NBEA: variants seen among roughly 807,000 people sequenced by gnomAD.
NBEA encodes neurobeachin.
In NBEA, 44 loss-of-function variants were observed where a neutral mutation model predicts 343.4. The observed-to-expected ratio is 0.13, with a 90% CI of 0.10 to 0.16. NBEA has a LOEUF of 0.16. Among genes scored for constraint, NBEA ranks in the 10% least tolerant of loss-of-function variants. The pLI, the probability that NBEA is intolerant of heterozygous loss-of-function variation, is 1.00. For synonymous variants in NBEA, 1,175 were observed against 1,238.7 expected (o/e 0.95, Z 1.08); for missense variants, 2,555 against 3,631.3 (o/e 0.70, Z 7.62).
intron 41 of NBEA, among the ~76,000 whole-genome samples, chr13:35,539,808 C>T (rs931548728): frequency 8.1e-5 from 12 of 148,288 alleles, no homozygotes; most frequent in Admixed American, 4.1e-4. Context: ...CCCAGCTACT[C>T]CGGAGGCTGA....
At chr13:35,579,038 A>G (rs2080884746) in intron 45 of NBEA, among the ~76,000 whole-genome samples, 1 of 152,100 alleles carries the variant, frequency 6.6e-6, no homozygotes, top group African/African-American at 2.4e-5. Flanking sequence ...AGGTTTTGGA[A>G]TTTGGAGCAT....
intron 30 of NBEA, among the ~76,000 whole-genome samples, chr13:35,188,285 T>C (rs2071880141): frequency 6.6e-6 from 1 of 151,962 alleles, no homozygotes; most frequent in South Asian, 2.1e-4. Context: ...GTTTAAAGTT[T>C]ATTCTCAGCA....
chr13:35,465,685 C>T (rs1278464853), intron 40 of NBEA, among the ~76,000 whole-genome samples: 4 of 152,164 alleles, frequency 2.6e-5, no homozygotes, highest in Non-Finnish European at 4.4e-5. Flanking sequence ...AATTTTCACA[C>T]TGAACATTGA....
intron 10 of NBEA, among the ~76,000 whole-genome samples, chr13:35,077,951 A>T (rs998651610): frequency 3.3e-5 from 5 of 152,192 alleles, no homozygotes; most frequent in Non-Finnish European, 7.4e-5. Flanking sequence ...GCAACAGTGT[A>T]TAGTTGGGAA....
At chr13:35,120,770 C>T (rs1593411488) in intron 16 of NBEA, among the ~76,000 whole-genome samples, 1 of 141,460 alleles carries the variant, frequency 7.1e-6, no homozygotes, top group East Asian at 2.2e-4. Context: ...ACAGCTACCT[C>T]TCTTATATAG....
In NBEA at chr13:35,142,285, A is replaced by C. The variant is rs1442184851; in HGVS notation, c.2353A>C (p.Met785Leu). The C allele has an allele frequency of 1.2e-6, 2 of 1,611,402 alleles. No homozygotes were observed. Among genetic ancestry groups the C allele is most frequent in the South Asian group, 2.2e-5 (2 of 90,708 alleles). ...TCTCTCCAGGAGAAAAGTTGAAATT[A>C]TGCACACCCATAGTCTTTTCACTCT... ...HLGHKRKVEI[M>L]HTHSLFTLLG... Residue 785 changes from methionine (M) to leucine (L), a missense_variant, in exon 18 of 59, where the codon ATG becomes CTG. This residue lies in a region of NBEA where 360 missense variants were observed against 519.1 expected (regional missense o/e 0.69). Coordinates refer to ENST00000379939, the MANE Select transcript of NBEA (RefSeq NM_001385012.1).
At position 35,174,415 on chromosome 13, in the gene NBEA, A is replaced by C. The variant is rs73503802; in HGVS notation, c.4554+821A>C. ...ACATAGGTCTGTTATCACTCATTAC[A>C]CTTGTAATTACATGTTTAATATTGA... is the stretch of plus-strand genomic sequence containing the variant. On this transcript the variant is annotated intron_variant, in intron 27 of 58. Coordinates refer to ENST00000379939, the MANE Select transcript of NBEA (RefSeq NM_001385012.1). Among the ~76,000 whole-genome samples the C allele has an allele frequency of 6.4e-3, 977 of 152,182 alleles. 10 individuals carry two copies. Among genetic ancestry groups the C allele is most frequent in the African/African-American group, 0.023 (936 of 41,522 alleles).
intron 38 of NBEA, among the ~76,000 whole-genome samples, chr13:35,419,795 G>A (rs1390129658): frequency 6.6e-6 from 1 of 151,864 alleles, no homozygotes. Context: ...ATATCAGAAG[G>A]ACCAAAACCC....
intron 36 of NBEA, among the ~76,000 whole-genome samples, chr13:35,336,337 T>C (rs1045072827): frequency 2.0e-5 from 3 of 152,104 alleles, no homozygotes; most frequent in Non-Finnish European, 2.9e-5. Flanking sequence ...TGCTTGAGGA[T>C]ATATTGCCTA....
At chr13:35,611,949 A>T (rs191290131) in intron 48 of NBEA, among the ~76,000 whole-genome samples, 1 of 152,258 alleles carries the variant, frequency 6.6e-6, no homozygotes, top group Non-Finnish European at 1.5e-5. Context: ...GCTGGGTCAT[A>T]TGGTAAATTT....
At chr13:35,200,458 C>CAAAAAA (rs5802754) in intron 31 of NBEA, among the ~76,000 whole-genome samples, 1 of 137,168 alleles carries the variant, frequency 7.3e-6, no homozygotes, top group Non-Finnish European at 1.6e-5. Flanking sequence ...GAACAAAAGA[C>CAAAAAA]AAAAAAAAAA....
At chr13:35,212,011 A>G (rs1472452480) in intron 33 of NBEA, among the ~76,000 whole-genome samples, 1 of 152,022 alleles carries the variant, frequency 6.6e-6, no homozygotes, top group Non-Finnish European at 1.5e-5. Flanking sequence ...ACACACACAC[A>G]CACACACACA....
At chr13:35,491,244 A>T (rs1207738747) in intron 41 of NBEA, among the ~76,000 whole-genome samples, 2 of 151,890 alleles carry the variant, frequency 1.3e-5, no homozygotes, top group Non-Finnish European at 2.9e-5. Context: ...GGTTATTTTG[A>T]TAGCATATAG....
At chr13:35,467,256 A>C (rs1254953738) in intron 40 of NBEA, among the ~76,000 whole-genome samples, 1 of 152,018 alleles carries the variant, frequency 6.6e-6, no homozygotes, top group African/African-American at 2.4e-5. Flanking sequence ...GGCGGATCAC[A>C]AGGTCAGGAG....
At chr13:35,548,955 C>CT (rs2079186145) in intron 41 of NBEA, among the ~76,000 whole-genome samples, 1 of 152,124 alleles carries the variant, frequency 6.6e-6, no homozygotes, top group African/African-American at 2.4e-5. Flanking sequence ...GGGTCATGTA[C>CT]TTTATGTTCT....
chr13:35,608,187 C>A (rs969316975), intron 48 of NBEA, among the ~76,000 whole-genome samples: 2 of 151,812 alleles, frequency 1.3e-5, no homozygotes, highest in Non-Finnish European at 2.9e-5. Context: ...AATGTGTTCT[C>A]CCCCCTTTTT....
At chr13:35,165,967 G>C (rs2069990120) in intron 24 of NBEA, among the ~76,000 whole-genome samples, 1 of 152,096 alleles carries the variant, frequency 6.6e-6, no homozygotes, top group Admixed American at 6.6e-5. Context: ...TTACAGGCAT[G>C]AGCCACTGCT....
chr13:35,650,487 A>G (rs1169147933), intron 52 of NBEA, among the ~76,000 whole-genome samples: 1 of 152,198 alleles, frequency 6.6e-6, no homozygotes, highest in African/African-American at 2.4e-5. Flanking sequence ...ATTTAGACAT[A>G]TTGCAGGAGT....
At chr13:35,575,073 T>G (rs911812444) in intron 45 of NBEA, among the ~76,000 whole-genome samples, 2 of 152,210 alleles carry the variant, frequency 1.3e-5, no homozygotes, top group African/African-American at 4.8e-5. Context: ...AATTGCAACT[T>G]TAGATCAAAG....
Sources: gnomAD v4.1 joint callset for allele counts (sites outside exome capture counted in the v4.1 genomes callset) on GRCh38, gnomAD v4.1.1 for gene constraint, gnomAD v4.1.1 regional missense constraint, MANE v1.5 for transcripts, NCBI Gene and HGNC (gene_info 2026-07-23, HGNC 2026-07-21) for gene names.